Variants in PLEKHM3 observed in about 807,000 individuals in gnomAD.
The protein encoded by PLEKHM3 is pleckstrin homology domain containing M3, also known as pleckstrin homology domain-containing family M member 3.
PLEKHM3 carries 45 observed loss-of-function variants against 81.8 expected under a neutral mutation model. The observed-to-expected ratio is 0.55, with a 90% CI of 0.43 to 0.71. The LOEUF is 0.71. PLEKHM3 is among the 30% of genes least tolerant of loss of function. The pLI is 0.00. For missense variants in PLEKHM3, 788 were observed against 924.3 expected (o/e 0.85, Z 1.91); for synonymous variants, 352 against 356.4 (o/e 0.99, Z 0.14).
chr2:207,884,634 T>C (rs933273719), intron 6 of PLEKHM3, among the ~76,000 whole-genome samples: 6 of 152,264 alleles, frequency 3.9e-5, no homozygotes, highest in Non-Finnish European at 8.8e-5. Flanking sequence ...GTAGTGTTAC[T>C]ATCAAAGCAT....
intron 3 of PLEKHM3, among the ~76,000 whole-genome samples, chr2:207,959,009 G>A (rs1434719205): frequency 1.3e-5 from 2 of 152,046 alleles, no homozygotes; most frequent in African/African-American, 4.8e-5. Context: ...GAGACAAAAG[G>A]AGAAATCAGG....
At chr2:207,961,026 C>T (rs1690711943) in intron 3 of PLEKHM3, among the ~76,000 whole-genome samples, 1 of 152,168 alleles carries the variant, frequency 6.6e-6, no homozygotes, top group African/African-American at 2.4e-5. Flanking sequence ...AATCTTCCCT[C>T]AAAATAGTGT....
At chr2:207,879,270 C>T (rs2092574688) in intron 6 of PLEKHM3, among the ~76,000 whole-genome samples, 1 of 152,138 alleles carries the variant, frequency 6.6e-6, no homozygotes, top group Admixed American at 6.5e-5. Context: ...GATTCTTTCT[C>T]CTCTATGCGA....
chr2:207,982,987 G>C (rs1691588136), intron 2 of PLEKHM3, among the ~76,000 whole-genome samples: 1 of 151,892 alleles, frequency 6.6e-6, no homozygotes, highest in Admixed American at 6.6e-5. Flanking sequence ...CATGTTATCA[G>C]TAAGGTTTCT....
chr2:207,964,567 G>A (rs1377972947), intron 3 of PLEKHM3, among the ~76,000 whole-genome samples: 3 of 152,112 alleles, frequency 2.0e-5, no homozygotes, highest in Non-Finnish European at 2.9e-5. Flanking sequence ...GGAGGGGAAG[G>A]CGGTCAATAA....
chr2:207,869,415 T>C (rs2092520810), intron 6 of PLEKHM3, among the ~76,000 whole-genome samples: 1 of 152,182 alleles, frequency 6.6e-6, no homozygotes, highest in Non-Finnish European at 1.5e-5. Context: ...AATTGCCCTA[T>C]CTCCTTGAGA....
intron 5 of PLEKHM3, 62 bp from the exon 6 acceptor site, chr2:207,908,639 TAA>T (rs1688704222): frequency 1.4e-6 from 2 of 1,435,472 alleles, no homozygotes; most frequent in Non-Finnish European, 1.9e-6. Context: ...ATTTTTCTGA[TAA>T]GTTTCAGTCT....
chr2:207,889,843 G>A (rs1443178047), intron 6 of PLEKHM3, among the ~76,000 whole-genome samples: 3 of 151,802 alleles, frequency 2.0e-5, no homozygotes, highest in Non-Finnish European at 2.9e-5. Context: ...TCGCTCTGTC[G>A]CCCAGGCTTG....
chr2:207,862,224 T>A (rs1454587872), intron 6 of PLEKHM3, among the ~76,000 whole-genome samples: 1 of 152,236 alleles, frequency 6.6e-6, no homozygotes, highest in African/African-American at 2.4e-5. Context: ...CACAAATACA[T>A]GCTGGTTTTG....
intron 3 of PLEKHM3, among the ~76,000 whole-genome samples, chr2:207,966,846 C>T (rs1429312942): frequency 1.3e-5 from 2 of 152,182 alleles, no homozygotes; most frequent in East Asian, 3.9e-4. Context: ...AGCCACCCCG[C>T]ACCCAGCCTA....
chr2:207,975,284 A>G (rs143078159), intron 3 of PLEKHM3, among the ~76,000 whole-genome samples: 131 of 152,312 alleles, frequency 8.6e-4, no homozygotes, highest in Middle Eastern at 3.4e-3. Context: ...GACTAGCATC[A>G]TAACTAACCT....
chr2:208,002,477 A>G (rs1040540819), intron 1 of PLEKHM3, among the ~76,000 whole-genome samples: 1 of 152,120 alleles, frequency 6.6e-6, no homozygotes, highest in Non-Finnish European at 1.5e-5. Context: ...CTTAGATTAT[A>G]TAATGCTTGA....
intron 6 of PLEKHM3, chr2:207,869,924 G>C (rs2092523663): frequency 6.6e-6 from 1 of 152,124 alleles, no homozygotes; most frequent in Non-Finnish European, 1.5e-5. Context: ...GGAATTTGAG[G>C]CCTATGGCTT....
chr2:207,835,097 T>G (rs1043836770), intron 7 of PLEKHM3, among the ~76,000 whole-genome samples: 1 of 151,944 alleles, frequency 6.6e-6, no homozygotes. Context: ...CCCGTCACCA[T>G]GCCCAGCTAA....
Position 207,931,022 on chromosome 2 carries a change from G to A in PLEKHM3, c.1790C>T (p.Pro597Leu), listed in dbSNP as rs1689578332. 6.2e-7 allele frequency: 1 copy of A among 1,614,034 alleles called. No individual in the cohort carries two copies. Among genetic ancestry groups the A allele is most frequent in the Non-Finnish European group, 8.5e-7 (1 of 1,179,900 alleles). ...CCGCAGCCGCAGCACGGCGGCCAGCGGCTCTGCGTGGTGGTACAGCATGGC... is the reference window on the plus strand; with the variant it reads ...CCGCAGCCGCAGCACGGCGGCCAGCAGCTCTGCGTGGTGGTACAGCATGGC... Reference protein sequence around the residue: ...ENAMLYHHAEPLAAVLRLRQR... With the variant: ...ENAMLYHHAELLAAVLRLRQR... Residue 597 changes from proline (P) to leucine (L), a missense_variant, in exon 5 of 8, where the codon CCG becomes CTG. Transcript: ENST00000427836.
At chr2:207,951,929 G>T (rs945056198) in intron 3 of PLEKHM3, among the ~76,000 whole-genome samples, 10 of 152,202 alleles carry the variant, frequency 6.6e-5, no homozygotes, top group Non-Finnish European at 1.2e-4. Flanking sequence ...AGGGAAGAAT[G>T]AGAAAGCTGT....
chr2:207,839,267 C>T (rs2092336594), intron 7 of PLEKHM3, among the ~76,000 whole-genome samples: 1 of 151,832 alleles, frequency 6.6e-6, no homozygotes, highest in African/African-American at 2.4e-5. Context: ...AGAAAATGCA[C>T]ATTAATGTAC....
intron 7 of PLEKHM3, among the ~76,000 whole-genome samples, chr2:207,855,475 T>C (rs1011068738): frequency 2.0e-5 from 3 of 152,358 alleles, no homozygotes; most frequent in Admixed American, 1.3e-4. Flanking sequence ...ACTGTATCCA[T>C]ACTTGGCTCC....
intron 3 of PLEKHM3, among the ~76,000 whole-genome samples, chr2:207,955,892 TACAAATCTATAAAGTAA>T (rs1690489929): frequency 6.6e-6 from 1 of 152,066 alleles, no homozygotes; most frequent in Admixed American, 6.6e-5. Flanking sequence ...GGAAGAAGAA[TACAAATCTATAAAGTAA>T]ACAGCAGAAG....
Sources: gnomAD v4.1 joint callset for allele counts (sites outside exome capture counted in the v4.1 genomes callset) on GRCh38, gnomAD v4.1.1 for gene constraint, MANE v1.5 for transcripts, NCBI Gene and HGNC (gene_info 2026-07-23, HGNC 2026-07-21) for gene names.